The following OSTF1 variants were observed in gnomAD, a reference collection of about 807,000 sequenced individuals.
OSTF1 encodes osteoclast stimulating factor 1.
In OSTF1, 27 loss-of-function variants were observed where a neutral mutation model predicts 37.2. That is an observed-to-expected ratio of 0.73 (90% CI 0.54 to 1.00). The LOEUF (loss-of-function observed/expected upper bound fraction) is 1.00. Ranked by LOEUF, OSTF1 falls within the 50% of genes least tolerant of loss-of-function variation. The pLI is 0.00. For missense variants in OSTF1, 232 were observed against 253.8 expected, an observed-to-expected ratio of 0.91 and a Z score of 0.58; for synonymous variants, 82 against 89.2, an observed-to-expected ratio of 0.92 and a Z score of 0.46.
chr9:75,092,146 A>G (rs145606140), intron 1 of OSTF1, among the ~76,000 whole-genome samples: 12 of 152,348 alleles, frequency 7.9e-5, no homozygotes, highest in Admixed American at 7.8e-4. Context: ...ATTAAAAACA[A>G]GGGACATTAA....
intron 1 of OSTF1, among the ~76,000 whole-genome samples, chr9:75,091,474 G>T (rs1281406685): frequency 1.3e-5 from 2 of 152,164 alleles, no homozygotes; most frequent in African/African-American, 4.8e-5. Context: ...AAAGGGAGGG[G>T]CCTCTGGTCT....
chr9:75,130,963 C>T (rs1305021442), intron 4 of OSTF1, among the ~76,000 whole-genome samples: 1 of 152,118 alleles, frequency 6.6e-6, no homozygotes, highest in Non-Finnish European at 1.5e-5. Flanking sequence ...GTTTCTTAGA[C>T]TAGCCGTTTC....
chr9:75,127,697 A>G (rs970480829), intron 3 of OSTF1, 78 bp downstream of exon 3: 7 of 767,572 alleles, frequency 9.1e-6, no homozygotes, highest in East Asian at 5.6e-5. Flanking sequence ...TTATTTAAAT[A>G]TATATGTACA....
At chr9:75,110,212 G>A (rs946700807) in intron 1 of OSTF1, among the ~76,000 whole-genome samples, 15 of 152,084 alleles carry the variant, frequency 9.9e-5, no homozygotes, top group African/African-American at 2.4e-5. Flanking sequence ...ATACAGAGTC[G>A]TTTCACTGCC....
intron 7 of OSTF1, among the ~76,000 whole-genome samples, chr9:75,136,864 G>A (rs767067765): frequency 3.3e-5 from 5 of 152,178 alleles, no homozygotes; most frequent in African/African-American, 4.8e-5. Context: ...GGGCTGCACT[G>A]CTTCACCAGA....
chr9:75,138,451 C>T (rs1445234040), intron 8 of OSTF1, among the ~76,000 whole-genome samples: 2 of 152,156 alleles, frequency 1.3e-5, no homozygotes, highest in Non-Finnish European at 2.9e-5. Context: ...CCACTAGCCA[C>T]GTGCACAACT....
At chr9:75,120,729 G>C (rs1825566503) in intron 2 of OSTF1, among the ~76,000 whole-genome samples, 2 of 152,114 alleles carry the variant, frequency 1.3e-5, no homozygotes, top group African/African-American at 4.8e-5. Context: ...TCCACCAACT[G>C]CTTCAACCTT....
intron 6 of OSTF1, among the ~76,000 whole-genome samples, 186 bp from the exon 7 acceptor site, chr9:75,134,160 A>G (rs917829087): frequency 6.6e-6 from 1 of 152,204 alleles, no homozygotes; most frequent in African/African-American, 2.4e-5. Context: ...TAGAAAAAGT[A>G]TATTTTCCTA....
In OSTF1 at chr9:75,088,688, GCGAGATGTCGAAGCCGCCACC is replaced by G. The variant is rs952141283; in HGVS notation, c.-3_18del. 6.2e-7 allele frequency: 1 copy of G among 1,608,454 alleles called. No individual in the cohort carries two copies. Among genetic ancestry groups the G allele is most frequent in the African/African-American group, 1.3e-5 (1 of 74,756 alleles). On this transcript the variant is annotated start_lost and 5_prime_UTR_variant, in exon 1 of 10. Transcript: ENST00000346234. ...TCTTTAGGATTTGCAGCTCCAGGAA[GCGAGATGTCGAAGCCGCCACC>G]CAAACCAGTCAAACCAGGTGAGGGA...
At chr9:75,145,937 T>C (rs1422434725) in intron 9 of OSTF1, among the ~76,000 whole-genome samples, 1 of 152,232 alleles carries the variant, frequency 6.6e-6, no homozygotes, top group Non-Finnish European at 1.5e-5. Flanking sequence ...ATATGTATAA[T>C]AAGCTTCAGA....
At chr9:75,134,723 C>T (rs1825816630) in intron 7 of OSTF1, among the ~76,000 whole-genome samples, 1 of 152,122 alleles carries the variant, frequency 6.6e-6, no homozygotes, top group South Asian at 2.1e-4. Context: ...TGTCAGCTGC[C>T]CCAGCTCTCA....
Position 75,117,484 on chromosome 9 carries a change from G to GT in OSTF1, c.35-14dup. The GT allele has an allele frequency of 1.3e-6, 2 of 1,594,016 alleles. No homozygotes were observed. Among genetic ancestry groups the GT allele is most frequent in the Non-Finnish European group, 1.7e-6 (2 of 1,163,918 alleles). On this transcript the variant is annotated intron_variant, in intron 1 of 9. Transcript: ENST00000346234. Reference sequence around the variant, plus strand: ...TTCAGGAATGAAAAATTCAGTTGTTGTTTTTTCTTCCTTTTTTAGGGCAAG... The same window carrying GT: ...TTCAGGAATGAAAAATTCAGTTGTTGTTTTTTTCTTCCTTTTTTAGGGCAAG...
At chr9:75,131,908 G>A in intron 5 of OSTF1, 85 bp downstream of exon 5, 3 of 916,162 alleles carry the variant, frequency 3.3e-6, no homozygotes, top group African/African-American at 1.6e-5. Flanking sequence ...ATACACCCAC[G>A]TAACCAACAC....
chr9:75,129,357 G>A lies in OSTF1; in HGVS notation c.133-1221G>A, dbSNP rs1335918937. On this transcript the variant is annotated intron_variant, in intron 3 of 9. Coordinates refer to ENST00000346234, the MANE Select transcript of OSTF1 (RefSeq NM_012383.5). ...AATTTCTTACCTGGGCAATCTGAGA[G>A]CTGATGAGGAAGTTTTTGTTTAAAG... Among the ~76,000 whole-genome samples the A allele has an allele frequency of 2.6e-5, 4 of 152,190 alleles. No individual in the cohort carries two copies. The East Asian group carries it at 7.7e-4, about 29-fold the overall frequency.
At chr9:75,121,123 T>C (rs756946372) in intron 2 of OSTF1, among the ~76,000 whole-genome samples, 3 of 152,212 alleles carry the variant, frequency 2.0e-5, no homozygotes, top group Non-Finnish European at 4.4e-5. Context: ...TGAACCTCTC[T>C]GTCACAGTGT....
chr9:75,089,374 C>T (rs944592397), intron 1 of OSTF1, among the ~76,000 whole-genome samples: 2 of 151,854 alleles, frequency 1.3e-5, no homozygotes, highest in African/African-American at 4.8e-5. Flanking sequence ...TTTGCTCTCC[C>T]AAAGACGTTG....
At chr9:75,090,808 A>G (rs1194080617) in intron 1 of OSTF1, among the ~76,000 whole-genome samples, 2 of 152,198 alleles carry the variant, frequency 1.3e-5, no homozygotes, top group African/African-American at 4.8e-5. Context: ...CCCCGTCTCA[A>G]CAGAGTACAA....
chr9:75,127,470 C>T (rs936621058), intron 2 of OSTF1, 99 bp from the exon 3 acceptor site: 20 of 639,572 alleles, frequency 3.1e-5, no homozygotes, highest in Non-Finnish European at 5.1e-5. Flanking sequence ...GTGTATAAAA[C>T]CACATTGCTT....
At chr9:75,105,475 G>C (rs890727895) in intron 1 of OSTF1, among the ~76,000 whole-genome samples, 5 of 152,258 alleles carry the variant, frequency 3.3e-5, no homozygotes, top group Admixed American at 6.5e-5. Flanking sequence ...TTGAATTTCA[G>C]ATCATTTTCA....
Sources: allele counts gnomAD v4.1 joint callset (sites outside exome capture counted in the v4.1 genomes callset), GRCh38; gene constraint gnomAD v4.1.1; transcripts MANE v1.5; gene names NCBI Gene and HGNC (gene_info 2026-07-23, HGNC 2026-07-21).